GBX1: variants seen among roughly 807,000 people sequenced by gnomAD.
GBX1 encodes the protein gastrulation brain homeobox 1.
In GBX1, 9 loss-of-function variants were observed where a neutral mutation model predicts 22.9. The ratio of observed to expected loss-of-function variants is 0.39; its 90% CI spans 0.24 to 0.69. The LOEUF is 0.69. GBX1 is among the 30% of genes least tolerant of loss of function. GBX1 has a pLI of 0.43. For synonymous variants in GBX1, 203 were observed against 227.3 expected, an observed-to-expected ratio of 0.89 and a Z score of 0.96; for missense variants, 494 against 509.2, an observed-to-expected ratio of 0.97 and a Z score of 0.29.
At chr7:151,165,000 CAT>C (rs1359265930) in intron 1 of GBX1, among the ~76,000 whole-genome samples, 15 of 151,950 alleles carry the variant, frequency 9.9e-5, no homozygotes, top group African/African-American at 3.6e-4. Context: ...CACACACACA[CAT>C]ACACACACAC....
chr7:151,148,705 T>C lies in GBX1; in HGVS notation c.976A>G (p.Ser326Gly), dbSNP rs563201738. 1 of 1,614,176 alleles carries C rather than the reference T, an allele frequency of 6.2e-7. No homozygotes were observed. The highest frequency in any genetic ancestry group is 1.1e-5 in the South Asian group (1 of 91,082). ...WKRIKAGNVS[S>G]RSGEPVRNPK... ...TTTCTTACGGGCTCCCCAGAACGGCTGCTCACATTGCCAGCTTTGATGCGC... is the reference window on the plus strand; with the variant it reads ...TTTCTTACGGGCTCCCCAGAACGGCCGCTCACATTGCCAGCTTTGATGCGC... The change falls in exon 2 of 2, where the codon AGC (serine) becomes GGC (glycine). Residue 326 changes from serine to glycine, a missense_variant. Physicochemically the swap from Ser to Gly is moderately conservative, Grantham distance 56. Transcript: ENST00000297537. The surrounding 1 kb of genome is among the most constrained non-coding windows in gnomAD (Gnocchi z 5.1).
Position 151,148,888 on chromosome 7 carries a change from G to A in GBX1, c.793C>T (p.Arg265Cys), listed in dbSNP as rs756783490. ...AGCTGCTCGCTGGTAAATGCTGTGC[G>A]GCGCCGTCGGCTTTTCCCCCCAGGA... ...TAPGGKSRRR[R>C]TAFTSEQLLE... Residue 265 changes from arginine to cysteine, a missense_variant, in exon 2 of 2, where the codon CGC becomes TGC. Arg to Cys is a radical substitution (Grantham distance 180, BLOSUM62 -3). This residue lies in a region of GBX1 where 124 missense variants were observed against 152.0 expected (regional missense o/e 0.82). Transcript: ENST00000297537. The surrounding 1 kb of genome is among the most constrained non-coding windows in gnomAD (Gnocchi z 5.1). The A allele has an allele frequency of 3.7e-6, 6 of 1,614,108 alleles. No individual in the cohort carries two copies. Among genetic ancestry groups the A allele is most frequent in the South Asian group, 2.2e-5 (2 of 91,070 alleles).
At position 151,167,092 on chromosome 7, in the gene GBX1, G is replaced by A. The variant is rs201650225; in HGVS notation, c.457C>T (p.Leu153=). The A allele has an allele frequency of 3.7e-6, 6 of 1,604,528 alleles. No homozygotes were observed. The highest frequency in any genetic ancestry group is 1.1e-5 in the South Asian group (1 of 89,830). Residue 153 remains leucine, a synonymous_variant, in exon 1 of 2, where the codon CTG becomes TTG. Coordinates refer to ENST00000297537, the MANE Select transcript of GBX1 (RefSeq NM_001098834.3). This position sits in a 1 kb window ranked among gnomAD's most constrained non-coding sequence, Gnocchi z 5.9. ...RPEGGLEADE[L]LPAREKVAEP... ...GCCACTTTCTCCCGGGCCGGCAGCAGCTCATCAGCTTCCAGCCCACCCTCT... is the reference window on the plus strand; with the variant it reads ...GCCACTTTCTCCCGGGCCGGCAGCAACTCATCAGCTTCCAGCCCACCCTCT...
chr7:151,156,811 C>G (rs1047068259), intron 1 of GBX1, among the ~76,000 whole-genome samples: 1 of 151,294 alleles, frequency 6.6e-6, no homozygotes, highest in South Asian at 2.1e-4. Context: ...ATGGTAAAAC[C>G]CTGTTTCTAC....
rs1563556634 is a variant in GBX1, at chr7:151,167,149, G to T, written c.400C>A (p.Arg134=). 6.3e-7 allele frequency: 1 copy of T among 1,599,106 alleles called. No homozygotes were observed. Residue 134 remains arginine (R), a synonymous_variant, in exon 1 of 2, where the codon CGA becomes AGA. Transcript: ENST00000297537. This position sits in a 1 kb window ranked among gnomAD's most constrained non-coding sequence, Gnocchi z 5.9. ...AAAAAAATAA[R]NNPEPGGRRP... ...CGGCCGCCTGGCTCGGGGTTGTTTCGGGCGGCAGTGGCGGCGGCGGCGGCA... is the reference window on the plus strand; with the variant it reads ...CGGCCGCCTGGCTCGGGGTTGTTTCTGGCGGCAGTGGCGGCGGCGGCGGCA...
At chr7:151,162,747 T>C (rs1263948790) in intron 1 of GBX1, among the ~76,000 whole-genome samples, 7 of 152,034 alleles carry the variant, frequency 4.6e-5, no homozygotes, top group Non-Finnish European at 1.0e-4. Context: ...TCCAATCTTC[T>C]TTTTCCCCTG....
intron 1 of GBX1, among the ~76,000 whole-genome samples, chr7:151,166,727 G>A (rs1801255782): frequency 6.6e-6 from 1 of 152,206 alleles, no homozygotes; most frequent in African/African-American, 2.4e-5. Flanking sequence ...ACAGGGCCAA[G>A]TCTTGATGGC....
chr7:151,153,192 G>A (rs192298349), intron 1 of GBX1, among the ~76,000 whole-genome samples: 1 of 152,290 alleles, frequency 6.6e-6, no homozygotes, highest in Admixed American at 6.5e-5. Flanking sequence ...GGAAAAATCA[G>A]GGGAAAGAAA....
intron 1 of GBX1, among the ~76,000 whole-genome samples, chr7:151,165,835 T>C (rs1011457062): frequency 6.6e-6 from 1 of 152,316 alleles, no homozygotes; most frequent in South Asian, 2.1e-4. Context: ...AAGGGCCCCA[T>C]AACTGATAAT....
chr7:151,162,297 C>T (rs535379811), intron 1 of GBX1, among the ~76,000 whole-genome samples: 2 of 152,252 alleles, frequency 1.3e-5, no homozygotes, highest in South Asian at 2.1e-4. Flanking sequence ...TTTCTGTTTT[C>T]CTCTCATAAG....
At position 151,149,041 on chromosome 7, in the gene GBX1, C is replaced by T. The variant is rs1192279952; in HGVS notation, c.640G>A (p.Glu214Lys). 1 of 1,613,972 alleles carries T rather than the reference C, an allele frequency of 6.2e-7. No individual in the cohort carries two copies. Among genetic ancestry groups the T allele is most frequent in the Non-Finnish European group, 8.5e-7 (1 of 1,180,036 alleles). ...GAACTGTCCAGGAAACCGTCATCCT[C>T]GCTGTCACCGCCTGAGCCCTCTTCC... ...QEEEGSGGDS[E>K]DDGFLDSSAG... The change falls in exon 2 of 2, where the codon GAG becomes AAG. Residue 214 changes from glutamate to lysine, a missense_variant. Glu to Lys is a moderately conservative substitution (Grantham distance 56, BLOSUM62 1). Transcript: ENST00000297537.
intron 1 of GBX1, among the ~76,000 whole-genome samples, chr7:151,157,868 C>G (rs1283150111): frequency 6.6e-6 from 1 of 152,166 alleles, no homozygotes. Flanking sequence ...TTTATTTACA[C>G]TAGAATCCAC....
rs1476295035 is a variant in GBX1 at position 151,167,493 on chromosome 7, C to T, written c.56G>A (p.Gly19Glu). The change falls in exon 1 of 2, where the codon GGG becomes GAG. Residue 19 changes from glycine (G) to glutamate (E), a missense_variant. By Grantham distance (98) the Gly-to-Glu change is moderately conservative. Coordinates refer to ENST00000297537, the MANE Select transcript of GBX1 (RefSeq NM_001098834.3). This position sits in a 1 kb window ranked among gnomAD's most constrained non-coding sequence, Gnocchi z 5.9. ...GATGGAGAAGGCAGTGCCCGGGCCC[C>T]CGCCGCCGCCCCCGCCGTTGCCCCC... The part of the protein sequence containing the change: ...APGGNGGGGG[G>E]GPGTAFSIDS... 6.7e-7 allele frequency: 1 copy of T among 1,486,666 alleles called. No homozygotes were observed. 92.1% of individuals were successfully genotyped at this position (1,486,666 alleles called of 1,614,324 possible).
chr7:151,152,465 A>G (rs1193908233), intron 1 of GBX1, among the ~76,000 whole-genome samples: 1 of 152,254 alleles, frequency 6.6e-6, no homozygotes, highest in Non-Finnish European at 1.5e-5. Flanking sequence ...TACCATTAGT[A>G]AATCCTCTAT....
chr7:151,163,624 G>T (rs1801210934), intron 1 of GBX1, among the ~76,000 whole-genome samples: 1 of 152,008 alleles, frequency 6.6e-6, no homozygotes, highest in South Asian at 2.1e-4. Context: ...ATAATATTTT[G>T]GACATCTTGA....
At chr7:151,164,127 C>T (rs752397171) in intron 1 of GBX1, among the ~76,000 whole-genome samples, 21 of 152,174 alleles carry the variant, frequency 1.4e-4, no homozygotes, top group African/African-American at 4.3e-4. Flanking sequence ...TTTATTTAAA[C>T]GGGTTAGCAG....
chr7:151,160,834 A>G (rs1238574642), intron 1 of GBX1, among the ~76,000 whole-genome samples: 2 of 152,198 alleles, frequency 1.3e-5, no homozygotes, highest in African/African-American at 4.8e-5. Flanking sequence ...CTTTTTTACT[A>G]CACTCCTAAT....
At chr7:151,150,164 C>G (rs1456838346) in intron 1 of GBX1, 1 of 292,810 alleles carries the variant, frequency 3.4e-6, no homozygotes, top group African/African-American at 2.3e-5. Context: ...TTTTAATCCA[C>G]ACAATTCTAA....
intron 1 of GBX1, among the ~76,000 whole-genome samples, chr7:151,153,678 G>T (rs1287034336): frequency 6.6e-6 from 1 of 151,848 alleles, no homozygotes; most frequent in Non-Finnish European, 1.5e-5. Flanking sequence ...CTCCCAAGTA[G>T]CTGGGCCATA....
Sources: gnomAD v4.1 joint callset for allele counts (sites outside exome capture counted in the v4.1 genomes callset) on GRCh38, gnomAD v4.1.1 for gene constraint, gnomAD v4.1.1 regional missense constraint, Gnocchi (gnomAD v3.1) non-coding constraint, MANE v1.5 for transcripts, NCBI Gene and HGNC (gene_info 2026-07-23, HGNC 2026-07-21) for gene names.